Variants in ELAPOR1 observed in about 807,000 individuals in gnomAD.
ELAPOR1 encodes endosome-lysosome associated apoptosis and autophagy regulator 1, also known as endosome/lysosome-associated apoptosis and autophagy regulator 1.
Under a neutral mutation model 119.7 loss-of-function variants are expected in ELAPOR1, and 77 were observed. The observed-to-expected ratio is 0.64, with a 90% CI of 0.54 to 0.78. The LOEUF (loss-of-function observed/expected upper bound fraction) is 0.78, where lower values mean the gene tolerates loss of function less well. ELAPOR1 is among the 30% of genes least tolerant of loss of function. The probability of loss-of-function intolerance (pLI) is 0.00; values close to 1 mark genes in which losing one functional copy is unlikely to be tolerated. For missense variants in ELAPOR1, 1,115 were observed against 1,270.4 expected (o/e 0.88, Z 1.86); for synonymous variants, 481 against 487.2 (o/e 0.99, Z 0.17).
chr1:109,145,288 C>T (rs1650106207), intron 1 of ELAPOR1, among the ~76,000 whole-genome samples: 1 of 152,090 alleles, frequency 6.6e-6, no homozygotes, highest in Admixed American at 6.6e-5. Context: ...AAAAAAAATA[C>T]ATTTCTGTTC....
At position 109,188,343 on chromosome 1, in the gene ELAPOR1, C is replaced by T; in HGVS notation, c.1208C>T (p.Ser403Phe). 1.9e-6 allele frequency: 3 copies of T among 1,612,000 alleles called. No homozygotes were observed. Among genetic ancestry groups the T allele is most frequent in the Non-Finnish European group, 2.5e-6 (3 of 1,178,296 alleles). Residue 403 changes from serine (S) to phenylalanine (F), a missense_variant, in exon 9 of 22, where the codon TCC (serine) becomes TTC (phenylalanine). Coordinates refer to ENST00000369939, the MANE Select transcript of ELAPOR1 (RefSeq NM_020775.5). ...CAGCCCTGCCCATATGGTTCCTACT[C>T]CAATGGCTCAGGTAACCTCCTCACC... ...TCQPCPYGSY[S>F]NGSDCTRCPA... is the part of the protein sequence containing the mutation.
chr1:109,115,872 C>T (rs1044781540), intron 1 of ELAPOR1, among the ~76,000 whole-genome samples: 9 of 152,156 alleles, frequency 5.9e-5, no homozygotes, highest in East Asian at 1.9e-4. Context: ...TTTTAGAGAT[C>T]GCAGGGAACA....
chr1:109,196,404 A>G (rs1167389573), intron 15 of ELAPOR1, among the ~76,000 whole-genome samples: 2 of 152,356 alleles, frequency 1.3e-5, no homozygotes, highest in East Asian at 3.9e-4. Context: ...GGTCATGATC[A>G]CTTAGGAAAT....
At chr1:109,144,061 A>ATTT (rs71069655) in intron 1 of ELAPOR1, among the ~76,000 whole-genome samples, 37,665 of 88,392 alleles carry the variant, frequency 0.43, 10,746 homozygotes, top group Non-Finnish European at 0.52. Flanking sequence ...ATATTTATAT[A>ATTT]TTTTTTTTTT....
chr1:109,152,952 CAAAAAAA>C (rs11392572), intron 1 of ELAPOR1, among the ~76,000 whole-genome samples: 1 of 102,412 alleles, frequency 9.8e-6, no homozygotes, highest in African/African-American at 4.2e-5. Context: ...ACCCTGTCTC[CAAAAAAA>C]AAAAAAAAAA....
intron 1 of ELAPOR1, among the ~76,000 whole-genome samples, chr1:109,120,813 T>C (rs538429827): frequency 8.6e-4 from 131 of 152,334 alleles, no homozygotes; most frequent in Non-Finnish European, 1.6e-3. Context: ...AGTTTTCTTC[T>C]ATTTTGGAAA....
At chr1:109,171,821 T>A in intron 3 of ELAPOR1, 45 bp from the exon 4 acceptor site, 1 of 1,605,448 alleles carries the variant, frequency 6.2e-7, no homozygotes, top group African/African-American at 1.3e-5. Flanking sequence ...CAAAGCCTGG[T>A]GGGCTGTGCT....
In ELAPOR1 at chr1:109,198,545, C is replaced by T. The variant is rs759251375; in HGVS notation, c.2400-28C>T. 14 of 1,588,902 alleles carry T rather than the reference C, an allele frequency of 8.8e-6. No homozygotes were observed. In the African/African-American group the frequency reaches 1.7e-4, roughly 20 times the overall value. On this transcript the variant is annotated intron_variant, in intron 17 of 21. Transcript: ENST00000369939. Reference sequence around the variant, plus strand: ...CAATAACACAGCTGAGTGACTCATTCCCTCATGGGGGCTGGCTTTCTCTGC... The same window carrying T: ...CAATAACACAGCTGAGTGACTCATTTCCTCATGGGGGCTGGCTTTCTCTGC...
At chr1:109,162,478 C>T (rs769383059) in intron 2 of ELAPOR1, among the ~76,000 whole-genome samples, 9 of 152,150 alleles carry the variant, frequency 5.9e-5, no homozygotes, top group Non-Finnish European at 1.3e-4. Context: ...CTTCAGGAGA[C>T]AAGAATCTTC....
intron 1 of ELAPOR1, among the ~76,000 whole-genome samples, chr1:109,121,976 A>C (rs1425047205): frequency 6.6e-6 from 1 of 150,928 alleles, no homozygotes; most frequent in Non-Finnish European, 1.5e-5. Flanking sequence ...GTTACATCAT[A>C]TTGGCTAGGC....
Position 109,117,348 on chromosome 1 carries a change from G to A in ELAPOR1, c.153+3012G>A, listed in dbSNP as rs543186735. Reference sequence around the variant, plus strand: ...TAAGTGCTGACTGCGAGCCAAAGGAGCATTTCCCAAGGTGCAGTGAAGCAA... The same window carrying A: ...TAAGTGCTGACTGCGAGCCAAAGGAACATTTCCCAAGGTGCAGTGAAGCAA... On this transcript the variant is annotated intron_variant, in intron 1 of 21. Coordinates refer to ENST00000369939, the MANE Select transcript of ELAPOR1 (RefSeq NM_020775.5). Among the ~76,000 whole-genome samples the A allele has an allele frequency of 1.3e-4, 20 of 152,326 alleles. No individual in the cohort carries two copies. The South Asian group carries it at 3.9e-3, about 30-fold the overall frequency.
intron 3 of ELAPOR1, among the ~76,000 whole-genome samples, chr1:109,165,698 G>A (rs17033774): frequency 0.026 from 3,897 of 151,362 alleles, 155 homozygotes; most frequent in African/African-American, 0.088. Context: ...AACACAATAT[G>A]CAAAGCTTGG....
At chr1:109,140,618 G>GGA (rs1419920750) in intron 1 of ELAPOR1, among the ~76,000 whole-genome samples, 6 of 152,240 alleles carry the variant, frequency 3.9e-5, no homozygotes, top group African/African-American at 1.4e-4. Flanking sequence ...CAATGCACAT[G>GGA]GAGAGAGGTG....
chr1:109,181,390 G>A (rs995913523), intron 7 of ELAPOR1, among the ~76,000 whole-genome samples: 2 of 152,072 alleles, frequency 1.3e-5, no homozygotes, highest in African/African-American at 4.8e-5. Context: ...AAACACAGAG[G>A]CCCATCTTCC....
intron 1 of ELAPOR1, among the ~76,000 whole-genome samples, chr1:109,116,680 C>CTTTTTTTTTTT (rs71069649): frequency 1.0e-5 from 1 of 96,870 alleles, no homozygotes; most frequent in Non-Finnish European, 2.2e-5. Context: ...CTTCTCTGTT[C>CTTTTTTTTTTT]TTTTTTTTTT....
At chr1:109,200,342 A>C in intron 20 of ELAPOR1, 105 bp downstream of exon 20, 1 of 1,343,080 alleles carries the variant, frequency 7.4e-7, no homozygotes, top group Non-Finnish European at 1.0e-6. Context: ...GGAGTTGGCT[A>C]CAGACTCTGT....
At chr1:109,136,651 T>C (rs533206) in intron 1 of ELAPOR1, among the ~76,000 whole-genome samples, 88,476 of 152,024 alleles carry the variant, frequency 0.58, 27,664 homozygotes, top group East Asian at 0.92. Context: ...CACATCTCTT[T>C]ATTGTGCTTG....
chr1:109,198,453 C>G (rs1287764187), intron 17 of ELAPOR1, 120 bp from the exon 18 acceptor site: 1 of 851,462 alleles, frequency 1.2e-6, no homozygotes, highest in Admixed American at 2.4e-5. Flanking sequence ...GTGTGCCAGG[C>G]TAAAGCCCAA....
At chr1:109,182,866 C>CAA (rs60530937) in intron 7 of ELAPOR1, among the ~76,000 whole-genome samples, 5 of 96,544 alleles carry the variant, frequency 5.2e-5, no homozygotes, top group African/African-American at 1.5e-4. Flanking sequence ...GACTCCATCT[C>CAA]AAAAAAAAAA....
Sources: gnomAD v4.1 joint callset for allele counts (sites outside exome capture counted in the v4.1 genomes callset) on GRCh38, gnomAD v4.1.1 for gene constraint, MANE v1.5 for transcripts, NCBI Gene and HGNC (gene_info 2026-07-23, HGNC 2026-07-21) for gene names.